The following SLC4A7 variants were observed in gnomAD, a reference collection of about 807,000 sequenced individuals.
SLC4A7 encodes the protein solute carrier family 4 member 7.
A neutral mutation model predicts 137.6 loss-of-function variants in SLC4A7; 51 were observed. The ratio of observed to expected loss-of-function variants is 0.37; its 90% CI spans 0.30 to 0.47. The LOEUF (loss-of-function observed/expected upper bound fraction) is 0.47. Ranked by LOEUF, SLC4A7 falls within the 20% of genes least tolerant of loss-of-function variation. The pLI, the probability that SLC4A7 is intolerant of heterozygous loss-of-function variation, is 1.00. For synonymous variants in SLC4A7, 542 were observed against 518.6 expected (o/e 1.05, Z -0.61); for missense variants, 1,247 against 1,525.4 (o/e 0.82, Z 3.04).
chr3:27,379,211 T>G, intron 25 of SLC4A7, 38 bp downstream of exon 25: 1 of 1,073,856 alleles, frequency 9.3e-7, no homozygotes, highest in Non-Finnish European at 1.4e-6. Context: ...AAATGAAAAT[T>G]GGCTACAGTT....
chr3:27,431,820 T>C, intron 6 of SLC4A7, 151 bp from the exon 7 acceptor site: 1 of 706,362 alleles, frequency 1.4e-6, no homozygotes, highest in African/African-American at 1.8e-5. Context: ...CAATCGGGTT[T>C]TTACATGTTA....
chr3:27,475,063 T>C (rs184362949), intron 1 of SLC4A7, among the ~76,000 whole-genome samples: 156 of 152,094 alleles, frequency 1.0e-3, no homozygotes, highest in African/African-American at 3.7e-3. Flanking sequence ...TGAGCCGAGA[T>C]TGCACCACTG....
intron 1 of SLC4A7, among the ~76,000 whole-genome samples, chr3:27,470,649 A>AG (rs939161265): frequency 9.9e-5 from 13 of 130,942 alleles, no homozygotes; most frequent in Non-Finnish European, 1.9e-4. Context: ...TTTAAAAAAA[A>AG]AAAAAAAAAA....
intron 3 of SLC4A7, among the ~76,000 whole-genome samples, chr3:27,439,004 G>C (rs1260947096): frequency 6.6e-6 from 1 of 152,130 alleles, no homozygotes; most frequent in Admixed American, 6.6e-5. Flanking sequence ...TACTAGTCCA[G>C]GACAGTTGAA....
At chr3:27,423,957 TTAA>T in intron 8 of SLC4A7, 77 bp downstream of exon 8, 4 of 827,608 alleles carry the variant, frequency 4.8e-6, no homozygotes, top group Non-Finnish European at 6.0e-6. Flanking sequence ...ATCATCAATG[TTAA>T]TAATATTAGC....
intron 11 of SLC4A7, 141 bp downstream of exon 11, chr3:27,418,345 A>C: frequency 1.6e-6 from 1 of 636,084 alleles, no homozygotes. Flanking sequence ...GTCCACCCAC[A>C]GGAGGTAAGT....
rs138310918 is a variant in SLC4A7, at chr3:27,444,355, T to C, written c.289+4296A>G. Among the ~76,000 whole-genome samples, 472 of 152,308 alleles carry C rather than the reference T, an allele frequency of 3.1e-3. 3 individuals carry two copies. Among genetic ancestry groups the C allele is most frequent in the African/African-American group, 0.011 (458 of 41,572 alleles). On this transcript the variant is annotated intron_variant, in intron 3 of 25. Transcript: ENST00000454389. The stretch of plus-strand genomic sequence containing the variant: ...GCTCCTTGGATCTATGAGTTCAATG[T>C]TTTCCTTAAGTTTGAAAATTCTTCA...
chr3:27,413,416 T>C (rs552250851), intron 11 of SLC4A7, among the ~76,000 whole-genome samples: 81 of 152,286 alleles, frequency 5.3e-4, no homozygotes, highest in Non-Finnish European at 1.0e-3. Context: ...AACTTGTTTA[T>C]GAAACAAGTA....
At position 27,448,753 on chromosome 3, in the gene SLC4A7, C is replaced by T. The variant is rs1163157837; in HGVS notation, c.187G>A (p.Glu63Lys). ...CGATGCCTATGACGCCGACGACTCT[C>T]TTTACTAAACGGGACGTGAACACCA... Reference protein sequence around the residue: ...YIGVHVPFSKESRRRHRHRGH... With the variant: ...YIGVHVPFSKKSRRRHRHRGH... Residue 63 changes from glutamate to lysine, a missense_variant, in exon 3 of 26, where the codon GAG becomes AAG. By Grantham distance (56) the Glu-to-Lys change is moderately conservative. Coordinates refer to ENST00000454389, the MANE Select transcript of SLC4A7 (RefSeq NM_001321103.2). 6.2e-7 allele frequency: 1 copy of T among 1,613,386 alleles called. No homozygotes were observed. The highest frequency in any genetic ancestry group is 8.5e-7 in the Non-Finnish European group (1 of 1,179,680).
chr3:27,418,310 A>C (rs1182785065), intron 11 of SLC4A7, among the ~76,000 whole-genome samples, 176 bp downstream of exon 11: 1 of 152,232 alleles, frequency 6.6e-6, no homozygotes, highest in Non-Finnish European at 1.5e-5. Context: ...AATGAAAAGG[A>C]TAAACAAAAA....
chr3:27,450,803 CTTACT>C (rs2058026044), intron 2 of SLC4A7, among the ~76,000 whole-genome samples: 2 of 151,838 alleles, frequency 1.3e-5, no homozygotes, highest in South Asian at 2.1e-4. Context: ...TTCTTCTGCC[CTTACT>C]TTATTCTATC....
rs1016762164 is a variant in SLC4A7 at position 27,379,237 on chromosome 3, A to G, written c.3698+12T>C. The G allele has an allele frequency of 2.1e-6, 3 of 1,414,240 alleles. No individual in the cohort carries two copies. The South Asian group carries it at 3.7e-5, about 17-fold the overall frequency. 87.6% of individuals were successfully genotyped at this position (1,414,240 alleles called of 1,614,324 possible). On this transcript the variant is annotated intron_variant, in intron 25 of 25. Coordinates refer to ENST00000454389, the MANE Select transcript of SLC4A7 (RefSeq NM_001321103.2). Reference sequence around the variant, plus strand: ...GGCTACAGTTAGAAAACACACAAATAGTTATAACTACCTCATGTTAGATCT... The same window carrying G: ...GGCTACAGTTAGAAAACACACAAATGGTTATAACTACCTCATGTTAGATCT...
chr3:27,398,102 A>C, intron 17 of SLC4A7, 90 bp downstream of exon 17: 2 of 968,812 alleles, frequency 2.1e-6, no homozygotes, highest in Non-Finnish European at 3.1e-6. Flanking sequence ...TATTAACCTC[A>C]AAAAATATAT....
At chr3:27,418,437 A>C (rs539952841) in intron 11 of SLC4A7, 49 bp downstream of exon 11, 3 of 1,512,520 alleles carry the variant, frequency 2.0e-6, no homozygotes, top group East Asian at 4.8e-5. Flanking sequence ...ATCAAAAAAA[A>C]TTTTATTAAA....
chr3:27,376,947 A>T (rs545175005), intron 25 of SLC4A7, 102 bp from the exon 26 acceptor site: 23 of 431,806 alleles, frequency 5.3e-5, no homozygotes, highest in Middle Eastern at 6.5e-4. Flanking sequence ...GATTACTATT[A>T]ACACTACAAA....
intron 1 of SLC4A7, among the ~76,000 whole-genome samples, chr3:27,468,066 G>T (rs1364330701): frequency 2.0e-5 from 3 of 152,062 alleles, no homozygotes; most frequent in African/African-American, 7.2e-5. Flanking sequence ...TGGGATTACA[G>T]GTACACATCA....
At chr3:27,434,870 T>G in intron 5 of SLC4A7, among the ~76,000 whole-genome samples, 1 of 152,162 alleles carries the variant, frequency 6.6e-6, no homozygotes, top group Admixed American at 6.5e-5. Context: ...ATAGGTAAAC[T>G]GTTAACCTTA....
intron 1 of SLC4A7, among the ~76,000 whole-genome samples, chr3:27,476,841 T>C (rs991101225): frequency 2.6e-5 from 4 of 152,204 alleles, no homozygotes; most frequent in African/African-American, 9.6e-5. Context: ...AGGTAGTTCT[T>C]TATAGCACTG....
intron 25 of SLC4A7, among the ~76,000 whole-genome samples, chr3:27,378,781 A>G (rs2050141108): frequency 6.6e-6 from 1 of 152,242 alleles, no homozygotes; most frequent in Admixed American, 6.5e-5. Flanking sequence ...CATGATTGAA[A>G]TAGTATTCAA....
Sources: gnomAD v4.1 joint callset for allele counts (sites outside exome capture counted in the v4.1 genomes callset) on GRCh38, gnomAD v4.1.1 for gene constraint, MANE v1.5 for transcripts, NCBI Gene and HGNC (gene_info 2026-07-23, HGNC 2026-07-21) for gene names.